Variants in POC5 observed in about 807,000 individuals in gnomAD.
The protein encoded by POC5 is centrosomal protein POC5.
POC5 carries 48 observed loss-of-function variants against 62.9 expected under a neutral mutation model. The ratio of observed to expected loss-of-function variants is 0.76; its 90% CI spans 0.61 to 0.97. POC5 has a LOEUF of 0.97. Among genes scored for constraint, POC5 ranks in the 50% least tolerant of loss-of-function variants. The probability of loss-of-function intolerance (pLI) is 0.00; values close to 1 mark genes in which losing one functional copy is unlikely to be tolerated. For missense variants in POC5, 696 were observed against 679.5 expected (o/e 1.02, Z -0.27); for synonymous variants, 236 against 228.2 (o/e 1.03, Z -0.31).
intron 4 of POC5, among the ~76,000 whole-genome samples, chr5:75,704,430 A>T (rs1311589793): frequency 2.0e-5 from 3 of 152,224 alleles, no homozygotes; most frequent in Non-Finnish European, 2.9e-5. Flanking sequence ...TCTTTGCAAA[A>T]GGGAAAATAA....
At chr5:75,707,983 TTATTA>T (rs1777193546) in intron 2 of POC5, 108 bp from the exon 3 acceptor site, 3 of 982,294 alleles carry the variant, frequency 3.1e-6, no homozygotes, top group Non-Finnish European at 4.3e-6. Flanking sequence ...AGTCCCATGC[TTATTA>T]TATTACAAAG....
At chr5:75,683,671 G>C (rs553298370) in intron 10 of POC5, among the ~76,000 whole-genome samples, 6 of 150,794 alleles carry the variant, frequency 4.0e-5, no homozygotes, top group Admixed American at 2.0e-4. Context: ...TAAGGAGTTA[G>C]AGCCACGATG....
chr5:75,691,430 A>T (rs920374348), intron 7 of POC5, among the ~76,000 whole-genome samples: 2 of 152,336 alleles, frequency 1.3e-5, no homozygotes, highest in Middle Eastern at 3.4e-3. Flanking sequence ...AATTCCACAC[A>T]GAAGTACTTA....
intron 5 of POC5, among the ~76,000 whole-genome samples, chr5:75,700,555 T>C (rs1215265811): frequency 2.0e-5 from 3 of 150,432 alleles, no homozygotes; most frequent in Non-Finnish European, 4.5e-5. Context: ...TTACACCTTA[T>C]ACAAAAATCA....
chr5:75,716,700 C>G (rs1175201215), intron 1 of POC5, among the ~76,000 whole-genome samples: 1 of 152,186 alleles, frequency 6.6e-6, no homozygotes, highest in East Asian at 1.9e-4. Flanking sequence ...AAAACAAGAT[C>G]AAAACTTTTG....
chr5:75,689,429 T>C (rs1362308860), intron 8 of POC5: 9 of 985,178 alleles, frequency 9.1e-6, no homozygotes, highest in Non-Finnish European at 1.1e-5. Flanking sequence ...GCTGATGTAT[T>C]TTCATTTCAC....
At chr5:75,710,249 C>T (rs1413049741) in intron 2 of POC5, among the ~76,000 whole-genome samples, 1 of 152,200 alleles carries the variant, frequency 6.6e-6, no homozygotes, top group Non-Finnish European at 1.5e-5. Context: ...TACTTGGTTT[C>T]TGTTAAAGCA....
At chr5:75,713,695 A>C (rs1777439908) in intron 1 of POC5, among the ~76,000 whole-genome samples, 1 of 152,196 alleles carries the variant, frequency 6.6e-6, no homozygotes, top group Non-Finnish European at 1.5e-5. Context: ...AGATTGCATG[A>C]CTGTAAATAA....
chr5:75,709,879 A>C (rs1777272901), intron 2 of POC5, among the ~76,000 whole-genome samples: 1 of 152,220 alleles, frequency 6.6e-6, no homozygotes, highest in Non-Finnish European at 1.5e-5. Context: ...AATTTCTTTA[A>C]CTTAATAAAG....
In POC5 at chr5:75,690,525, C is replaced by T. The variant is rs765432129; in HGVS notation, c.833G>A (p.Arg278Lys). The T allele has an allele frequency of 1.3e-6, 2 of 1,598,724 alleles. No homozygotes were observed. The highest frequency in any genetic ancestry group is 1.7e-6 in the Non-Finnish European group (2 of 1,171,296). The change falls in exon 8 of 12, where the codon AGA becomes AAA. Residue 278 changes from arginine to lysine, a missense_variant. By Grantham distance (26) the Arg-to-Lys change is conservative (BLOSUM62 2). Coordinates refer to ENST00000428202, the MANE Select transcript of POC5 (RefSeq NM_001099271.2). Reference sequence around the variant, plus strand: ...TTTCCAGACTTTCTTCAGTAAAGTTCTCTGGTAGTACTGGTCAGCTAGTTT... The same window carrying T: ...TTTCCAGACTTTCTTCAGTAAAGTTTTCTGGTAGTACTGGTCAGCTAGTTT... ...EGKLADQYYQ[R>K]TLLKKVWKVW...
intron 10 of POC5, 29 bp from the exon 11 acceptor site, chr5:75,677,979 A>G (rs1775736915): frequency 6.9e-7 from 1 of 1,449,750 alleles, no homozygotes; most frequent in South Asian, 1.5e-5. Context: ...AAAAGAAGTA[A>G]CAAGGTGGCA....
intron 6 of POC5, among the ~76,000 whole-genome samples, chr5:75,692,865 C>T (rs1184490844): frequency 6.6e-6 from 1 of 151,826 alleles, no homozygotes; most frequent in African/African-American, 2.4e-5. Context: ...AGGGCAGGGG[C>T]CAGAATATTT....
In POC5 at chr5:75,710,996, T is replaced by A. The variant is rs144324992; in HGVS notation, c.84+1858A>T. ...CATATACTTCATACATATTCATATA[T>A]TTCATATATTTTACCACAATTGCTA... On this transcript the variant is annotated intron_variant, in intron 2 of 11. Transcript: ENST00000428202. Among the ~76,000 whole-genome samples, 352 of 152,310 alleles carry A rather than the reference T, an allele frequency of 2.3e-3. 1 individual carries two copies. The East Asian group carries it at 0.03, about 13-fold the overall frequency.
chr5:75,702,521 CA>C, intron 5 of POC5, 83 bp downstream of exon 5: 2 of 1,341,532 alleles, frequency 1.5e-6, no homozygotes, highest in Non-Finnish European at 1.0e-6. Flanking sequence ...AAGTTTAACT[CA>C]AAAAAACAAA....
rs755433777 is a variant in POC5, at chr5:75,712,911, TG to T, written c.26del (p.Ser9TyrfsTer31). 1 of 1,612,572 alleles carries T rather than the reference TG, an allele frequency of 6.2e-7. No individual in the cohort carries two copies. Among genetic ancestry groups the T allele is most frequent in the Non-Finnish European group, 8.5e-7 (1 of 1,179,188 alleles). ...TGGAGTCATTTTGCACAACTGGAAG[TG>T]AGTATTTCTCCTCATCTGATGACAT... MSSDEEKY[S>X]LPVVQNDSSR... is the part of the protein sequence containing the mutation. On this transcript the variant is annotated frameshift_variant, in exon 2 of 12. Transcript: ENST00000428202. LOFTEE classifies it high-confidence loss of function.
At position 75,674,511 on chromosome 5, in the gene POC5, G is replaced by A. The variant is rs1392693538; in HGVS notation, c.1652C>T (p.Ala551Val). 15 of 1,613,844 alleles carry A rather than the reference G, an allele frequency of 9.3e-6. No individual in the cohort carries two copies. Among genetic ancestry groups the A allele is most frequent in the Non-Finnish European group, 1.3e-5 (15 of 1,179,836 alleles). The part of the protein sequence containing the change: ...RTIHPESSTS[A>V]SRSLGTRSAH... ...TGATCTGGTTCCAAGTGATCTGGAA[G>A]CTGAGGTACTACTTTCAGGATGAAT... The change falls in exon 12 of 12, where the codon GCT becomes GTT. Residue 551 changes from alanine to valine, a missense_variant. Transcript: ENST00000428202.
chr5:75,713,690 G>A (rs1243064108), intron 1 of POC5, among the ~76,000 whole-genome samples: 5 of 152,174 alleles, frequency 3.3e-5, no homozygotes, highest in African/African-American at 1.2e-4. Flanking sequence ...GGGTAAGATT[G>A]CATGACTGTA....
Position 75,694,783 on chromosome 5 carries a change from A to G in POC5, c.562T>C (p.Trp188Arg), listed in dbSNP as rs1377462073. 6.4e-7 allele frequency: 1 copy of G among 1,574,542 alleles called. No homozygotes were observed. Residue 188 changes from tryptophan (W) to arginine (R), a missense_variant, in exon 6 of 12, where the codon TGG (tryptophan) becomes CGG (arginine). Coordinates refer to ENST00000428202, the MANE Select transcript of POC5 (RefSeq NM_001099271.2). ...LSKWRLNFIDWHRMEMRKEKE... is the reference protein window; with the variant it reads ...LSKWRLNFIDRHRMEMRKEKE... The stretch of plus-strand genomic sequence containing the variant: ...TCTTTTCTCATTTCCATTCGGTGCC[A>G]GTCAATAAAATTAAGTCTCCATTTA...
At chr5:75,681,863 T>A (rs2112084584) in intron 10 of POC5, among the ~76,000 whole-genome samples, 1 of 152,316 alleles carries the variant, frequency 6.6e-6, no homozygotes, top group East Asian at 1.9e-4. Context: ...CTTTTCCTAT[T>A]CCCAACAATG....
Sources: allele counts gnomAD v4.1 joint callset (sites outside exome capture counted in the v4.1 genomes callset), GRCh38; gene constraint gnomAD v4.1.1; transcripts MANE v1.5; gene names NCBI Gene and HGNC (gene_info 2026-07-23, HGNC 2026-07-21).